Variants in PADI6 observed in about 807,000 individuals in gnomAD.
The protein encoded by PADI6 is peptidyl arginine deiminase 6.
PADI6 carries 66 observed loss-of-function variants against 78.2 expected under a neutral mutation model. The observed-to-expected ratio is 0.84, with a 90% CI of 0.69 to 1.04. The LOEUF (loss-of-function observed/expected upper bound fraction) is 1.04, where lower values mean the gene tolerates loss of function less well. Among genes scored for constraint, PADI6 ranks in the 50% least tolerant of loss-of-function variants. The pLI is 0.00. For missense variants in PADI6, 854 were observed against 866.1 expected, an observed-to-expected ratio of 0.99 and a Z score of 0.18; for synonymous variants, 397 against 346.9, an observed-to-expected ratio of 1.14 and a Z score of -1.60.
In PADI6 at chr1:17,382,019, C is replaced by T; in HGVS notation, c.606C>T (p.Ile202=). 6.2e-7 allele frequency: 1 copy of T among 1,613,940 alleles called. No homozygotes were observed. Among genetic ancestry groups the T allele is most frequent in the Non-Finnish European group, 8.5e-7 (1 of 1,179,816 alleles). ...MTLNVQGPSC[I]LKKYRLVLHT... ...TGAATGTCCAAGGCCCCAGCTGTAT[C>T]TTAAAGAAATATCGGCTAGTCCTCC... Residue 202 remains isoleucine, a synonymous_variant, in exon 6 of 16, where the codon ATC becomes ATT. Coordinates refer to ENST00000619609, the MANE Select transcript of PADI6 (RefSeq NM_207421.4).
Position 17,375,449 on chromosome 1 carries a change from CCAA to C in PADI6, c.319_321del (p.Asn107del), listed in dbSNP as rs762781740. The C allele has an allele frequency of 1.2e-6, 2 of 1,611,674 alleles. No individual in the cohort carries two copies. The highest frequency in any genetic ancestry group is 1.3e-5 in the African/African-American group (1 of 75,002). On this transcript the variant is annotated inframe_deletion, in exon 3 of 16. Coordinates refer to ENST00000619609, the MANE Select transcript of PADI6 (RefSeq NM_207421.4). ...CAGGTCTCGGTCACATACTATGGGC[CCAA>C]CGAGGATGCCCCCGTGGGCACAGCT... is the stretch of plus-strand genomic sequence containing the variant.
chr1:17,372,989 T>C, intron 1 of PADI6, 67 bp from the exon 2 acceptor site: 1 of 1,514,996 alleles, frequency 6.6e-7, no homozygotes, highest in South Asian at 1.2e-5. Flanking sequence ...CCCTCCCCCA[T>C]GCCAGTCATC....
intron 8 of PADI6, among the ~76,000 whole-genome samples, chr1:17,389,873 C>A (rs541040101): frequency 6.6e-6 from 1 of 152,222 alleles, no homozygotes; most frequent in African/African-American, 2.4e-5. Context: ...CGCTCCACAC[C>A]GGCCGCCTCC....
intron 6 of PADI6, among the ~76,000 whole-genome samples, chr1:17,385,477 G>A (rs1222491583): frequency 6.6e-6 from 1 of 152,104 alleles, no homozygotes; most frequent in Non-Finnish European, 1.5e-5. Context: ...ACTGAGGTTG[G>A]GGACTCGCTG....
intron 3 of PADI6, among the ~76,000 whole-genome samples, chr1:17,377,765 C>T (rs920224697): frequency 1.3e-5 from 2 of 152,240 alleles, no homozygotes; most frequent in Non-Finnish European, 2.9e-5. Context: ...ATCCTCTCAC[C>T]TGGGTCACAG....
chr1:17,380,368 C>G (rs756965268), intron 4 of PADI6, among the ~76,000 whole-genome samples: 1 of 151,532 alleles, frequency 6.6e-6, no homozygotes, highest in Non-Finnish European at 1.5e-5. Flanking sequence ...TGCCACCACA[C>G]CTGGCTAATT....
chr1:17,381,222 C>T, intron 5 of PADI6, 58 bp downstream of exon 5: 1 of 1,413,152 alleles, frequency 7.1e-7, no homozygotes, highest in Non-Finnish European at 9.7e-7. Context: ...CCCTGCTTCT[C>T]AGCAAATGGA....
At chr1:17,378,059 C>G (rs1458192494) in intron 3 of PADI6, among the ~76,000 whole-genome samples, 1 of 152,164 alleles carries the variant, frequency 6.6e-6, no homozygotes, top group South Asian at 2.1e-4. Context: ...GCCTTGCTGC[C>G]TTGGGCTTCC....
At position 17,401,364 on chromosome 1, in the gene PADI6, G is replaced by T; in HGVS notation, c.2011G>T (p.Val671Phe). 6.2e-7 allele frequency: 1 copy of T among 1,614,062 alleles called. No individual in the cohort carries two copies. The highest frequency in any genetic ancestry group is 1.1e-5 in the South Asian group (1 of 91,084). The change falls in exon 16 of 16, where the codon GTC becomes TTC. Residue 671 changes from valine to phenylalanine, a missense_variant. Transcript: ENST00000619609. ...TGACTTTGACTGTTACCTGACAGAG[G>T]TCGGAGACATCTGTGCCTGTGCCAA... is the stretch of plus-strand genomic sequence containing the variant. Reference protein sequence around the residue: ...INDFDCYLTEVGDICACANIR... With the variant: ...INDFDCYLTEFGDICACANIR...
At chr1:17,372,457 T>G in intron 1 of PADI6, 96 bp downstream of exon 1, 6 of 1,144,172 alleles carry the variant, frequency 5.2e-6, no homozygotes, top group Non-Finnish European at 7.8e-6. Flanking sequence ...GTTACTTCTC[T>G]AGCCTCACTA....
At position 17,385,041 on chromosome 1, in the gene PADI6, C is replaced by T. The variant is rs191895808; in HGVS notation, c.679+2949C>T. On this transcript the variant is annotated intron_variant, in intron 6 of 15. Transcript: ENST00000619609. ...CCTAGAGGAAGATCTGAGAAGTTTG[C>T]AGAGGAATAGAAAGCCAGAAGACAA... Among the ~76,000 whole-genome samples the T allele has an allele frequency of 1.4e-4, 22 of 152,202 alleles. No homozygotes were observed. The East Asian group carries it at 4.3e-3, about 29-fold the overall frequency.
chr1:17,392,231 AC>A lies in PADI6; in HGVS notation c.1074+10del. The stretch of plus-strand genomic sequence containing the variant: ...GCCTGGGCAGGTGGCTCCAGGTAAC[AC>A]CCCACCTGGGAACCCACCTGTCGGG... On this transcript the variant is annotated splice_region_variant and intron_variant, in intron 9 of 15. Transcript: ENST00000619609. The A allele has an allele frequency of 6.5e-7, 1 of 1,548,634 alleles. No individual in the cohort carries two copies. The highest frequency in any genetic ancestry group is 8.7e-7 in the Non-Finnish European group (1 of 1,144,278).
At chr1:17,398,952 G>A in intron 15 of PADI6, 105 bp downstream of exon 15, 2 of 1,252,084 alleles carry the variant, frequency 1.6e-6, no homozygotes, top group Non-Finnish European at 2.2e-6. Flanking sequence ...GCAGATAACG[G>A]TACCTATGAG....
Position 17,393,972 on chromosome 1 carries a change from C to T in PADI6, c.1075-3C>T, listed in dbSNP as rs761741338. 6 of 1,612,830 alleles carry T rather than the reference C, an allele frequency of 3.7e-6. No individual in the cohort carries two copies. The South Asian group carries it at 4.4e-5, about 12-fold the overall frequency. On this transcript the variant is annotated splice_polypyrimidine_tract_variant and splice_region_variant and intron_variant, in intron 9 of 15. Transcript: ENST00000619609. ...AAACAATCTGTCTTCCTCTCCATTC[C>T]AGGATGAGATGGCCTTCTGCTACAC... is the stretch of plus-strand genomic sequence containing the variant.
chr1:17,383,878 G>A (rs894444130), intron 6 of PADI6, among the ~76,000 whole-genome samples: 1 of 151,776 alleles, frequency 6.6e-6, no homozygotes, highest in Non-Finnish European at 1.5e-5. Flanking sequence ...GGCTGAGCAC[G>A]GGGCTTATGC....
chr1:17,372,661 C>T (rs1047058998), intron 1 of PADI6, among the ~76,000 whole-genome samples: 1 of 152,168 alleles, frequency 6.6e-6, no homozygotes, highest in Non-Finnish European at 1.5e-5. Flanking sequence ...CTGTGAGGAG[C>T]AGGCCAGGGA....
At chr1:17,373,500 AT>A (rs746790101) in intron 2 of PADI6, among the ~76,000 whole-genome samples, 1 of 109,502 alleles carries the variant, frequency 9.1e-6, no homozygotes, top group Non-Finnish European at 2.0e-5. Context: ...TTTATTTATT[AT>A]TATTTTTTTT....
chr1:17,399,448 A>G (rs937237340), intron 15 of PADI6, among the ~76,000 whole-genome samples: 4 of 152,048 alleles, frequency 2.6e-5, no homozygotes. Flanking sequence ...ATACAAAATT[A>G]GTTGGGTGTG....
chr1:17,396,156 C>T lies in PADI6; in HGVS notation c.1618+493C>T, dbSNP rs527545437. ...ACCCCAGCACTTTGGGAGGCTGAGG[C>T]GGGCAGATCACCTGAGGCCAAAAGT... On this transcript the variant is annotated intron_variant, in intron 13 of 15. Coordinates refer to ENST00000619609, the MANE Select transcript of PADI6 (RefSeq NM_207421.4). 8.5e-5 allele frequency among the ~76,000 whole-genome samples: 13 copies of T among 152,232 alleles called. No homozygotes were observed. The South Asian group carries it at 1.2e-3, about 15-fold the overall frequency.
Sources: gnomAD v4.1 joint callset for allele counts (sites outside exome capture counted in the v4.1 genomes callset) on GRCh38, gnomAD v4.1.1 for gene constraint, MANE v1.5 for transcripts, NCBI Gene and HGNC (gene_info 2026-07-23, HGNC 2026-07-21) for gene names.